NF1: variants seen among roughly 807,000 people sequenced by gnomAD.
The protein encoded by NF1 is neurofibromin 1.
In NF1, 122 loss-of-function variants were observed where a neutral mutation model predicts 325.7. The ratio of observed to expected loss-of-function variants is 0.37; its 90% confidence interval spans 0.32 to 0.44. NF1 has a LOEUF of 0.44. Among genes scored for constraint, NF1 ranks in the 20% least tolerant of loss-of-function variants. The pLI is 1.00. For synonymous variants in NF1, 1,091 were observed against 1,186.0 expected (o/e 0.92, Z 1.65); for missense variants, 2,140 against 3,415.4 (o/e 0.63, Z 9.31).
chr17:31,112,049 A>G (rs920536905), intron 1 of NF1, among the ~76,000 whole-genome samples: 5 of 152,306 alleles, frequency 3.3e-5, no homozygotes, highest in Non-Finnish European at 7.4e-5. Flanking sequence ...CACAATCAAG[A>G]TGAAGAACAT....
intron 8 of NF1, among the ~76,000 whole-genome samples, chr17:31,191,061 T>A (rs1244156950): frequency 6.6e-6 from 1 of 152,162 alleles, no homozygotes; most frequent in African/African-American, 2.4e-5. Context: ...CGTACCTCAA[T>A]AAAGCTGAAA....
chr17:31,300,003 G>A (rs1276558277), intron 36 of NF1, among the ~76,000 whole-genome samples: 1 of 151,932 alleles, frequency 6.6e-6, no homozygotes, highest in Non-Finnish European at 1.5e-5. Context: ...AATAATACCA[G>A]TATTGATTGC....
chr17:31,178,689 C>CA (rs532743471), intron 5 of NF1, among the ~76,000 whole-genome samples: 162 of 150,766 alleles, frequency 1.1e-3, no homozygotes, highest in Non-Finnish European at 1.9e-3. Flanking sequence ...AAATGGAAAG[C>CA]AAAAAAAAGT....
rs2151429314 is a variant in NF1 at position 31,229,251 on chromosome 17, C to A, written c.2636C>A (p.Ser879Ter). The change falls in exon 21 of 58, where the codon TCA becomes TAA. Residue 879 changes from serine (S) to a stop codon, truncating the protein, a stop_gained. Coordinates refer to ENST00000358273, the MANE Select transcript of NF1 (RefSeq NM_001042492.3). LOFTEE classifies it high-confidence loss of function. Reference sequence around the variant, plus strand: ...AGTGAACGTAAGGGTTCTATGATTTCAGTGATGTCTTCAGAGGGAAACGCA... The same window carrying A: ...AGTGAACGTAAGGGTTCTATGATTTAAGTGATGTCTTCAGAGGGAAACGCA... ...PVSERKGSMI[S>*]VMSSEGNADT... is the part of the protein sequence containing the mutation. The A allele has an allele frequency of 6.2e-7, 1 of 1,612,912 alleles. No individual in the cohort carries two copies. Among genetic ancestry groups the A allele is most frequent in the South Asian group, 1.1e-5 (1 of 91,018 alleles).
At chr17:31,123,664 G>A (rs1244299664) in intron 1 of NF1, among the ~76,000 whole-genome samples, 1 of 152,166 alleles carries the variant, frequency 6.6e-6, no homozygotes, top group Non-Finnish European at 1.5e-5. Flanking sequence ...CTAAAATGAT[G>A]ACCTAGAGGC....
At chr17:31,157,741 C>T (rs957450174) in intron 2 of NF1, among the ~76,000 whole-genome samples, 18 of 148,248 alleles carry the variant, frequency 1.2e-4, no homozygotes, top group African/African-American at 3.2e-4. Context: ...GGGCGGATCA[C>T]GAGGTCAGGA....
rs376659579 is a variant in NF1, at chr17:31,265,271, G to A, written c.4767G>A (p.Thr1589=). The A allele has an allele frequency of 8.1e-6, 13 of 1,613,156 alleles. No individual in the cohort carries two copies. In the African/African-American group the frequency reaches 1.1e-4, roughly 13 times the overall value. The stretch of plus-strand genomic sequence containing the variant: ...AAGAAGAATTCAAGGCTTTGAAAAC[G>A]TTAAGTATTTTCTACCAAGCTGGGA... The part of the protein sequence containing the change: ...HEKEEFKALK[T]LSIFYQAGTS... Residue 1589 remains threonine, a synonymous_variant, in exon 36 of 58, where the codon ACG becomes ACA. Transcript: ENST00000358273.
chr17:31,232,796 G>A lies in NF1; in HGVS notation c.3411G>A (p.Arg1137=), dbSNP rs2067136367. The change falls in exon 26 of 58, where the codon AGG becomes AGA. Residue 1137 remains arginine, a synonymous_variant. Transcript: ENST00000358273. ...TGGRKRGMSR[R]LASLRHCTVL... ...GCAGGAAACGTGGCATGTCTCGGAGGCTGGCATCACTGAGGCACTGTACGG... is the reference window on the plus strand; with the variant it reads ...GCAGGAAACGTGGCATGTCTCGGAGACTGGCATCACTGAGGCACTGTACGG... The A allele has an allele frequency of 6.2e-7, 1 of 1,613,964 alleles. No individual in the cohort carries two copies. Among genetic ancestry groups the A allele is most frequent in the African/African-American group, 1.3e-5 (1 of 74,894 alleles).
Position 31,340,611 on chromosome 17 carries a change from A to G in NF1, c.7028A>G (p.His2343Arg), listed in dbSNP as rs2151561886. The G allele has an allele frequency of 6.2e-7, 1 of 1,614,192 alleles. No homozygotes were observed. The highest frequency in any genetic ancestry group is 8.5e-7 in the Non-Finnish European group (1 of 1,180,018). The change falls in exon 47 of 58, where the codon CAT becomes CGT. Residue 2343 changes from histidine to arginine, a missense_variant. Around this residue, in one of 10 missense-constraint regions of NF1, gnomAD observed 522 missense variants for 749.0 expected, o/e 0.70. Transcript: ENST00000358273. ...AGTALLEQNL[H>R]TLDSLRIFND... The stretch of plus-strand genomic sequence containing the variant: ...ACCGCACTTCTTGAACAAAACCTGC[A>G]TACTTTAGATAGTCTCCGTATATTC...
In NF1 at chr17:31,175,474, G is replaced by C. The variant is rs76217992; in HGVS notation, c.586+5477G>C. 3.4e-5 allele frequency among the ~76,000 whole-genome samples: 5 copies of C among 148,032 alleles called. No homozygotes were observed. In the East Asian group the frequency reaches 1.0e-3, roughly 30 times the overall value. On this transcript the variant is annotated intron_variant, in intron 5 of 57. Transcript: ENST00000358273. ...AAGCTATCTTCCCACTCCTGCTTTC[G>C]AAAGTGCTGAGATTATAGGCGTGAG...
rs1060503895 is a variant in NF1 at position 31,095,376 on chromosome 17, G to A, written c.60+7G>A. ...CAGCCGCTTCGACGAGCAGGTAACC[G>A]GCCCGTGGCGGGCGGGAGGTGGGAG... On this transcript the variant is annotated splice_region_variant and intron_variant, in intron 1 of 57. Coordinates refer to ENST00000358273, the MANE Select transcript of NF1 (RefSeq NM_001042492.3). 1 of 1,539,068 alleles carries A rather than the reference G, an allele frequency of 6.5e-7. No homozygotes were observed.
At chr17:31,231,736 T>C (rs939315411) in intron 24 of NF1, among the ~76,000 whole-genome samples, 3 of 152,100 alleles carry the variant, frequency 2.0e-5, no homozygotes, top group African/African-American at 7.2e-5. Flanking sequence ...TCCTTTTTTT[T>C]CCCCCAAATA....
In NF1 at chr17:31,373,775, G is replaced by A. The variant is rs373227643; in HGVS notation, c.8378-238G>A. Among the ~76,000 whole-genome samples, 21 of 152,284 alleles carry A rather than the reference G, an allele frequency of 1.4e-4. No homozygotes were observed. In the South Asian group the frequency reaches 4.1e-3, roughly 30 times the overall value. The stretch of plus-strand genomic sequence containing the variant: ...TACAACTACATAAAGTACACAATAT[G>A]GTAACCTGCTGTACAGGTTTGTTGC... On this transcript the variant is annotated intron_variant, in intron 57 of 57. Coordinates refer to ENST00000358273, the MANE Select transcript of NF1 (RefSeq NM_001042492.3).
rs369028959 is a variant in NF1 at position 31,351,817 on chromosome 17, A to G, written c.7458-440A>G. On this transcript the variant is annotated intron_variant, in intron 50 of 57. Coordinates refer to ENST00000358273, the MANE Select transcript of NF1 (RefSeq NM_001042492.3). The stretch of plus-strand genomic sequence containing the variant: ...AGGATGGCTTTGAATGCAGCCCAAC[A>G]CAAATTTGTAAACTTTCTTAAAACA... Among the ~76,000 whole-genome samples the G allele has an allele frequency of 9.2e-5, 14 of 151,886 alleles. No homozygotes were observed. The East Asian group carries it at 2.1e-3, about 23-fold the overall frequency.
intron 13 of NF1, among the ~76,000 whole-genome samples, chr17:31,215,496 T>C (rs1314312380): frequency 1.3e-5 from 2 of 152,252 alleles, no homozygotes; most frequent in Non-Finnish European, 2.9e-5. Context: ...TCATCTGATA[T>C]ATTGGGATCA....
intron 3 of NF1, among the ~76,000 whole-genome samples, chr17:31,160,552 GAA>G (rs572837524): frequency 1.2e-3 from 178 of 152,322 alleles, no homozygotes; most frequent in African/African-American, 3.9e-3. Context: ...AAAATGGAGT[GAA>G]AGAGCAAAAG....
At chr17:31,367,444 G>A (rs936469624) in intron 57 of NF1, among the ~76,000 whole-genome samples, 2 of 152,092 alleles carry the variant, frequency 1.3e-5, no homozygotes, top group Admixed American at 1.3e-4. Context: ...TACTTAACAG[G>A]AATTGCACGG....
intron 36 of NF1, among the ~76,000 whole-genome samples, chr17:31,310,076 A>T (rs979682478): frequency 6.6e-6 from 1 of 152,140 alleles, no homozygotes; most frequent in Non-Finnish European, 1.5e-5. Context: ...CCCAGCGGTA[A>T]TGAGGCCAGC....
chr17:31,294,065 C>G (rs1283240144), intron 36 of NF1, among the ~76,000 whole-genome samples: 1 of 152,134 alleles, frequency 6.6e-6, no homozygotes, highest in Non-Finnish European at 1.5e-5. Context: ...TCCTCACTTC[C>G]TCAGTACTGC....
Sources: allele counts gnomAD v4.1 joint callset (sites outside exome capture counted in the v4.1 genomes callset), GRCh38; gene constraint gnomAD v4.1.1; regional missense constraint gnomAD v4.1.1; transcripts MANE v1.5; gene names NCBI Gene and HGNC (gene_info 2026-07-23, HGNC 2026-07-21).